ARHGEF26: variants seen among roughly 807,000 people sequenced by gnomAD.
ARHGEF26 encodes the protein Rho guanine nucleotide exchange factor 26.
A neutral mutation model predicts 89.4 loss-of-function variants in ARHGEF26; 59 were observed. The ratio of observed to expected loss-of-function variants is 0.66; its 90% CI spans 0.54 to 0.82. The LOEUF (loss-of-function observed/expected upper bound fraction) is 0.82. Ranked by LOEUF, ARHGEF26 falls within the 40% of genes least tolerant of loss-of-function variation. The pLI is 0.00. For missense variants in ARHGEF26, 1,234 were observed against 1,085.6 expected, an observed-to-expected ratio of 1.14 and a Z score of -1.92; for synonymous variants, 500 against 428.4, an observed-to-expected ratio of 1.17 and a Z score of -2.06.
At chr3:154,242,429 G>A (rs1212212960) in intron 12 of ARHGEF26, among the ~76,000 whole-genome samples, 1 of 152,148 alleles carries the variant, frequency 6.6e-6, no homozygotes, top group Non-Finnish European at 1.5e-5. Context: ...CAGATGCAAT[G>A]GAAATAGCGA....
chr3:154,134,115 A>G (rs554371429), intron 4 of ARHGEF26, among the ~76,000 whole-genome samples: 3 of 152,212 alleles, frequency 2.0e-5, no homozygotes, highest in Non-Finnish European at 2.9e-5. Context: ...GGGGTTTTCC[A>G]TATATAGGAT....
intron 4 of ARHGEF26, among the ~76,000 whole-genome samples, chr3:154,137,254 T>C (rs764207063): frequency 6.6e-6 from 1 of 151,998 alleles, no homozygotes; most frequent in Non-Finnish European, 1.5e-5. Flanking sequence ...AGCAGGTGGC[T>C]TTATAGGAAG....
intron 10 of ARHGEF26, among the ~76,000 whole-genome samples, chr3:154,224,034 G>T (rs1319298790): frequency 6.6e-6 from 1 of 151,888 alleles, no homozygotes; most frequent in African/African-American, 2.4e-5. Context: ...TACTATTTAG[G>T]ATAGTATTTC....
In ARHGEF26 at chr3:154,162,185, A is replaced by G. The variant is rs536546636; in HGVS notation, c.1487+9253A>G. On this transcript the variant is annotated intron_variant, in intron 6 of 14. Coordinates refer to ENST00000465093, the MANE Select transcript of ARHGEF26 (RefSeq NM_015595.4). ...CTGTGGATTTTGAACCATTACATGG[A>G]TTTTTGACTCTGCCAGTTGTGAGTA... 2.6e-5 allele frequency among the ~76,000 whole-genome samples: 4 copies of G among 152,298 alleles called. No homozygotes were observed. In the South Asian group the frequency reaches 8.3e-4, roughly 32 times the overall value.
chr3:154,239,291 AGAGAGAGAGTGT>A (rs1717332307), intron 11 of ARHGEF26, among the ~76,000 whole-genome samples: 185 of 61,834 alleles, frequency 3.0e-3, no homozygotes, highest in African/African-American at 9.6e-3. Context: ...AGAGAGAGAG[AGAGAGAGAGTGT>A]GTGTGTGTGT....
chr3:154,222,997 T>A (rs1716234191), intron 10 of ARHGEF26, among the ~76,000 whole-genome samples: 2 of 152,210 alleles, frequency 1.3e-5, no homozygotes, highest in South Asian at 4.1e-4. Flanking sequence ...CAGAGATTAG[T>A]TTGTGTCTCA....
Position 154,254,260 on chromosome 3 carries a change from TG to T in ARHGEF26, c.2369-458del, listed in dbSNP as rs3841936. Among the ~76,000 whole-genome samples, 36 of 152,354 alleles carry T rather than the reference TG, an allele frequency of 2.4e-4. No individual in the cohort carries two copies. In the East Asian group the frequency reaches 6.9e-3, roughly 29 times the overall value. ...AGGTCTAACATGACTTCTCAGCTTT[TG>T]GTTGGAGCTCATTTTATTTCTAAAC... On this transcript the variant is annotated intron_variant, in intron 13 of 14. Transcript: ENST00000465093.
intron 3 of ARHGEF26, among the ~76,000 whole-genome samples, chr3:154,128,803 C>T (rs147315840): frequency 3.3e-5 from 5 of 152,294 alleles, no homozygotes; most frequent in African/African-American, 1.2e-4. Flanking sequence ...TCCAGTGAGG[C>T]CTTCCTAAAC....
In ARHGEF26 at chr3:154,132,873, C is replaced by T. The variant is rs531527528; in HGVS notation, c.1269+3154C>T. On this transcript the variant is annotated intron_variant, in intron 4 of 14. Transcript: ENST00000465093. The stretch of plus-strand genomic sequence containing the variant: ...TTAATAATCAAAATAGTAAGGTAGC[C>T]CGTCTAATTTTGAGTATAACATTTT... 2.0e-5 allele frequency among the ~76,000 whole-genome samples: 3 copies of T among 152,004 alleles called. No homozygotes were observed. In the East Asian group the frequency reaches 5.8e-4, roughly 29 times the overall value.
At chr3:154,174,346 T>C (rs1043299573) in intron 6 of ARHGEF26, among the ~76,000 whole-genome samples, 10 of 152,218 alleles carry the variant, frequency 6.6e-5, no homozygotes, top group African/African-American at 2.4e-4. Flanking sequence ...AATACATGTG[T>C]AGGGCAGTTT....
At chr3:154,134,488 T>C (rs1718884964) in intron 4 of ARHGEF26, among the ~76,000 whole-genome samples, 1 of 152,154 alleles carries the variant, frequency 6.6e-6, no homozygotes, top group Non-Finnish European at 1.5e-5. Flanking sequence ...TTACTCACTA[T>C]CATGAGAACA....
chr3:154,134,396 C>T (rs868616268), intron 4 of ARHGEF26, among the ~76,000 whole-genome samples: 8 of 152,112 alleles, frequency 5.3e-5, no homozygotes, highest in African/African-American at 9.7e-5. Context: ...GAGCAAGTCA[C>T]GCCTTATGTG....
At chr3:154,177,344 A>G (rs111746423) in intron 6 of ARHGEF26, among the ~76,000 whole-genome samples, 5 of 152,314 alleles carry the variant, frequency 3.3e-5, no homozygotes, top group African/African-American at 4.8e-5. Context: ...GTAAGAGGGT[A>G]TAAAAGCAAA....
At chr3:154,247,259 C>T (rs547456795) in intron 12 of ARHGEF26, among the ~76,000 whole-genome samples, 35 of 152,256 alleles carry the variant, frequency 2.3e-4, no homozygotes, top group East Asian at 7.7e-4. Flanking sequence ...TGGCTTTCCC[C>T]GACACACACA....
chr3:154,202,778 T>G (rs545316314), intron 9 of ARHGEF26, among the ~76,000 whole-genome samples: 48 of 81,710 alleles, frequency 5.9e-4, no homozygotes, highest in African/African-American at 2.5e-3. Flanking sequence ...TGAATGGGAG[T>G]TCACTCATGA....
At chr3:154,132,885 G>A (rs1441957921) in intron 4 of ARHGEF26, among the ~76,000 whole-genome samples, 1 of 151,968 alleles carries the variant, frequency 6.6e-6, no homozygotes, top group Non-Finnish European at 1.5e-5. Context: ...GTCTAATTTT[G>A]AGTATAACAT....
At chr3:154,210,743 ACCAG>A (rs1293046369) in intron 9 of ARHGEF26, among the ~76,000 whole-genome samples, 2 of 149,652 alleles carry the variant, frequency 1.3e-5, no homozygotes, top group African/African-American at 4.9e-5. Flanking sequence ...GGAGTTTGAG[ACCAG>A]CCTGGCCAAT....
chr3:154,225,755 A>G, intron 10 of ARHGEF26, 101 bp from the exon 11 acceptor site: 8 of 1,272,034 alleles, frequency 6.3e-6, no homozygotes, highest in Non-Finnish European at 7.5e-6. Context: ...GCATACTATG[A>G]TAAGTATCAT....
intron 10 of ARHGEF26, among the ~76,000 whole-genome samples, chr3:154,225,442 G>A (rs1449336772): frequency 1.3e-5 from 2 of 152,008 alleles, no homozygotes; most frequent in Admixed American, 6.5e-5. Flanking sequence ...CTATAGTTGT[G>A]TTTTTCTGTA....
Sources: gnomAD v4.1 joint callset for allele counts (sites outside exome capture counted in the v4.1 genomes callset) on GRCh38, gnomAD v4.1.1 for gene constraint, MANE v1.5 for transcripts, NCBI Gene and HGNC (gene_info 2026-07-23, HGNC 2026-07-21) for gene names.